The following PRRG4 variants were observed in gnomAD, a reference collection of about 807,000 sequenced individuals.
PRRG4 encodes the protein transmembrane gamma-carboxyglutamic acid protein 4.
Under a neutral mutation model 20.0 loss-of-function variants are expected in PRRG4, and 12 were observed. The observed-to-expected ratio is 0.60, with a 90% CI of 0.38 to 0.97. PRRG4 has a LOEUF of 0.97. Among genes scored for constraint, PRRG4 ranks in the 50% least tolerant of loss-of-function variants. The pLI is 0.00. For synonymous variants in PRRG4, 94 were observed against 96.4 expected (o/e 0.98, Z 0.15); for missense variants, 199 against 265.1 (o/e 0.75, Z 1.73).
intron 5 of PRRG4, among the ~76,000 whole-genome samples, chr11:32,851,728 G>A (rs149553208): frequency 3.3e-5 from 5 of 152,226 alleles, no homozygotes; most frequent in East Asian, 3.9e-4. Flanking sequence ...TGTAAATATT[G>A]ACTAGAAGTT....
At chr11:32,837,873 T>C (rs1851039092) in intron 3 of PRRG4, among the ~76,000 whole-genome samples, 1 of 151,970 alleles carries the variant, frequency 6.6e-6, no homozygotes, top group South Asian at 2.1e-4. Context: ...TTCTTTACTT[T>C]TGTAGATTTC....
chr11:32,851,481 G>A lies in PRRG4; in HGVS notation c.450-1815G>A, dbSNP rs1851182845. ...TGTGTTGAGCTCTCTAAGTAAACTT[G>A]TGATCCTCTCAGTCACCTCTCAACT... On this transcript the variant is annotated intron_variant, in intron 5 of 5. Transcript: ENST00000257836. Among the ~76,000 whole-genome samples the A allele has an allele frequency of 2.6e-5, 4 of 152,118 alleles. No homozygotes were observed. In the South Asian group the frequency reaches 8.3e-4, roughly 32 times the overall value.
rs1851226464 is a variant in PRRG4, at chr11:32,856,185, C to A, written c.*2658C>A. 6.6e-6 allele frequency: 1 copy of A among 152,046 alleles called. No individual in the cohort carries two copies. Among genetic ancestry groups the A allele is most frequent in the Non-Finnish European group, 1.5e-5 (1 of 68,002 alleles). The allele number at this position is 152,046 out of a possible 1,614,324, so 9.4% of individuals were successfully genotyped here. A position where few individuals can be genotyped will look rare whatever the true frequency, so the allele number is the denominator to read the frequency against. On this transcript the variant is annotated 3_prime_UTR_variant, in exon 6 of 6. Coordinates refer to ENST00000257836, the MANE Select transcript of PRRG4 (RefSeq NM_024081.6). ...CACTGAATCATAATTTGAAATATTT[C>A]ATGAATTCATTTACTTCTATTGACT... is the stretch of plus-strand genomic sequence containing the variant.
intron 5 of PRRG4, among the ~76,000 whole-genome samples, chr11:32,846,388 G>T (rs1347127167): frequency 1.3e-5 from 2 of 152,154 alleles, no homozygotes; most frequent in South Asian, 4.1e-4. Context: ...TGGCAGCCAC[G>T]AATTTACATT....
intron 5 of PRRG4, among the ~76,000 whole-genome samples, chr11:32,852,344 G>A (rs1202420395): frequency 2.0e-5 from 3 of 152,168 alleles, no homozygotes; most frequent in South Asian, 4.1e-4. Context: ...AGTATGCTGC[G>A]GGTTTGGCTT....
At chr11:32,843,730 G>GTTTTT (rs11367288) in intron 5 of PRRG4, among the ~76,000 whole-genome samples, 1 of 141,998 alleles carries the variant, frequency 7.0e-6, no homozygotes, top group Non-Finnish European at 1.5e-5. Context: ...CCGTTTTTCT[G>GTTTTT]TTTTTTTTTT....
At chr11:32,848,198 A>C (rs1428061305) in intron 5 of PRRG4, among the ~76,000 whole-genome samples, 2 of 152,138 alleles carry the variant, frequency 1.3e-5, no homozygotes, top group Non-Finnish European at 2.9e-5. Flanking sequence ...AGAGGGGAGG[A>C]ACATTATTCC....
intron 3 of PRRG4, among the ~76,000 whole-genome samples, chr11:32,837,329 C>T (rs7950261): frequency 0.89 from 136,029 of 152,038 alleles, 61,133 homozygotes; most frequent in East Asian, 0.99. Flanking sequence ...GGATACAAAA[C>T]ATATAGCCCT....
chr11:32,852,960 T>A (rs1851196513), intron 5 of PRRG4, among the ~76,000 whole-genome samples: 1 of 115,538 alleles, frequency 8.7e-6, no homozygotes, highest in African/African-American at 3.2e-5. Flanking sequence ...TTTTTTTTTT[T>A]TGTATTTTTA....
rs756701088 is a variant in PRRG4 at position 32,853,358 on chromosome 11, A to C, written c.512A>C (p.Glu171Ala). Residue 171 changes from glutamate to alanine, a missense_variant, in exon 6 of 6, where the codon GAG (glutamate) becomes GCG (alanine). Glu to Ala is a moderately radical substitution (Grantham distance 107). Coordinates refer to ENST00000257836, the MANE Select transcript of PRRG4 (RefSeq NM_024081.6). ...TCCATCATTTTCAGAAGACCTGAGG[A>C]GGCTGCCTTGTCTCCATTGCCGCCT... ...TPSIIFRRPE[E>A]AALSPLPPSV... 1 of 1,614,102 alleles carries C rather than the reference A, an allele frequency of 6.2e-7. No homozygotes were observed. Among genetic ancestry groups the C allele is most frequent in the Non-Finnish European group, 8.5e-7 (1 of 1,180,024 alleles).
At chr11:32,842,704 G>A (rs922830281) in intron 5 of PRRG4, among the ~76,000 whole-genome samples, 6 of 152,012 alleles carry the variant, frequency 3.9e-5, no homozygotes, top group African/African-American at 1.4e-4. Flanking sequence ...TAGGCAGCGA[G>A]AGTGAAACTC....
At chr11:32,832,479 C>CTTTTTCTTTTTTTT (rs761893280) in intron 2 of PRRG4, among the ~76,000 whole-genome samples, 18 of 121,258 alleles carry the variant, frequency 1.5e-4, no homozygotes, top group Admixed American at 1.8e-4. Flanking sequence ...TGGTGAAATT[C>CTTTTTCTTTTTTTT]TTTTTTTTTT....
chr11:32,831,999 A>C (rs1850976712), intron 2 of PRRG4, among the ~76,000 whole-genome samples: 1 of 151,746 alleles, frequency 6.6e-6, no homozygotes, highest in Non-Finnish European at 1.5e-5. Context: ...AAAAAATAAA[A>C]ATAAAAGCAA....
intron 5 of PRRG4, among the ~76,000 whole-genome samples, chr11:32,852,071 T>C (rs1851188101): frequency 6.6e-6 from 1 of 152,162 alleles, no homozygotes; most frequent in South Asian, 2.1e-4. Context: ...CAAGGTTTAG[T>C]GAAAATGGTG....
intron 5 of PRRG4, among the ~76,000 whole-genome samples, chr11:32,845,211 T>G (rs1349548542): frequency 6.6e-6 from 1 of 152,202 alleles, no homozygotes; most frequent in East Asian, 1.9e-4. Flanking sequence ...TACCTTCTCA[T>G]TTAGTACTCT....
intron 5 of PRRG4, among the ~76,000 whole-genome samples, chr11:32,845,294 A>G (rs1201781236): frequency 6.6e-6 from 1 of 152,114 alleles, no homozygotes; most frequent in Non-Finnish European, 1.5e-5. Flanking sequence ...TGAGGCAACT[A>G]CATAACAAAA....
Position 32,857,102 on chromosome 11 carries a change from G to A in PRRG4, c.*3575G>A, listed in dbSNP as rs539916014. 1 of 151,628 alleles carries A rather than the reference G, an allele frequency of 6.6e-6. No individual in the cohort carries two copies. The highest frequency in any genetic ancestry group is 2.1e-4 in the South Asian group (1 of 4,788). The allele number at this position is 151,628 out of a possible 1,614,324, so 9.4% of individuals were successfully genotyped here. ...CCACCTCGGCCTCCCAAAGTGCTGG[G>A]ATTACAGGCATGAGCCACCACACTG... On this transcript the variant is annotated 3_prime_UTR_variant, in exon 6 of 6. Transcript: ENST00000257836.
chr11:32,836,773 T>C lies in PRRG4; in HGVS notation c.219T>C (p.Leu73=), dbSNP rs749090138. Residue 73 remains leucine (L), a synonymous_variant, in exon 3 of 6, where the codon CTT becomes CTC. Coordinates refer to ENST00000257836, the MANE Select transcript of PRRG4 (RefSeq NM_024081.6). ...TAGAAAGAGAGTGCAATGAAGAACT[T>C]TGCAATTATGAGGAAGCCAGAGAGA... The part of the protein sequence containing the change: ...GNLERECNEE[L]CNYEEAREIF... The C allele has an allele frequency of 1.2e-6, 2 of 1,613,436 alleles. No individual in the cohort carries two copies. The highest frequency in any genetic ancestry group is 1.7e-6 in the Non-Finnish European group (2 of 1,179,634).
chr11:32,831,189 A>G (rs1850967581), intron 2 of PRRG4, among the ~76,000 whole-genome samples: 1 of 152,148 alleles, frequency 6.6e-6, no homozygotes. Flanking sequence ...CTAACCTGGA[A>G]GTCCACAGTT....
Sources: gnomAD v4.1 joint callset for allele counts (sites outside exome capture counted in the v4.1 genomes callset) on GRCh38, gnomAD v4.1.1 for gene constraint, MANE v1.5 for transcripts, NCBI Gene and HGNC (gene_info 2026-07-23, HGNC 2026-07-21) for gene names.